The following GPC5 variants were observed in gnomAD, a reference collection of about 807,000 sequenced individuals.
GPC5 encodes the protein glypican 5, also known as glypican-5.
Under a neutral mutation model 53.9 loss-of-function variants are expected in GPC5, and 47 were observed. That is an observed-to-expected ratio of 0.87 (90% CI 0.69 to 1.11). The LOEUF (loss-of-function observed/expected upper bound fraction) is 1.11, where lower values mean the gene tolerates loss of function less well. Ranked by LOEUF, GPC5 falls within the 50% of genes most tolerant of loss-of-function variation. GPC5 has a pLI of 0.00. For missense variants in GPC5, 748 were observed against 713.1 expected (o/e 1.05, Z -0.56); for synonymous variants, 286 against 263.3 (o/e 1.09, Z -0.84).
intron 1 of GPC5, among the ~76,000 whole-genome samples, chr13:91,425,561 A>G (rs1878982016): frequency 6.6e-6 from 1 of 152,134 alleles, no homozygotes; most frequent in African/African-American, 2.4e-5. Flanking sequence ...CCACCATTCA[A>G]GATGTGCCTC....
chr13:91,971,422 T>C (rs1255426611), intron 6 of GPC5, among the ~76,000 whole-genome samples: 1 of 152,152 alleles, frequency 6.6e-6, no homozygotes, highest in African/African-American at 2.4e-5. Context: ...AACCAGCTCC[T>C]AGATTCACTA....
At chr13:92,149,573 G>A (rs555759439) in intron 7 of GPC5, among the ~76,000 whole-genome samples, 1 of 152,122 alleles carries the variant, frequency 6.6e-6, no homozygotes, top group African/African-American at 2.4e-5. Context: ...AGCGTACTAA[G>A]AATGACCTAG....
chr13:92,844,917 T>C (rs1878562391), intron 7 of GPC5, among the ~76,000 whole-genome samples: 2 of 152,158 alleles, frequency 1.3e-5, no homozygotes, highest in Admixed American at 6.5e-5. Flanking sequence ...TCCTAGAACC[T>C]TTATATTCTC....
At chr13:91,722,709 A>C (rs2036499636) in intron 3 of GPC5, among the ~76,000 whole-genome samples, 1 of 152,210 alleles carries the variant, frequency 6.6e-6, no homozygotes, top group Non-Finnish European at 1.5e-5. Flanking sequence ...CATGTGGAGA[A>C]GCAACTTGTG....
chr13:91,986,812 C>G (rs899835456), intron 6 of GPC5, among the ~76,000 whole-genome samples: 4 of 151,898 alleles, frequency 2.6e-5, no homozygotes, highest in East Asian at 1.9e-4. Flanking sequence ...ATGGACATAG[C>G]CTTCATGGTA....
intron 7 of GPC5, among the ~76,000 whole-genome samples, chr13:92,256,911 A>G (rs2042730063): frequency 6.6e-6 from 1 of 152,124 alleles, no homozygotes; most frequent in Non-Finnish European, 1.5e-5. Flanking sequence ...AATGTGCTTG[A>G]GAAAGAAAAA....
At chr13:91,603,633 T>C (rs578228381) in intron 2 of GPC5, among the ~76,000 whole-genome samples, 1 of 152,360 alleles carries the variant, frequency 6.6e-6, no homozygotes, top group Non-Finnish European at 1.5e-5. Context: ...AAACACAGGC[T>C]GATTACACAT....
intron 6 of GPC5, among the ~76,000 whole-genome samples, chr13:91,961,286 G>A (rs2040123145): frequency 6.6e-6 from 1 of 151,424 alleles, no homozygotes; most frequent in African/African-American, 2.4e-5. Flanking sequence ...CATGTACCTT[G>A]TATATATATA....
intron 5 of GPC5, among the ~76,000 whole-genome samples, chr13:91,866,286 A>T (rs576502458): frequency 6.6e-6 from 1 of 152,312 alleles, no homozygotes; most frequent in Non-Finnish European, 1.5e-5. Flanking sequence ...AGGCCAAGGG[A>T]TTGAATACAG....
chr13:91,903,673 C>T (rs2039522109), intron 5 of GPC5, among the ~76,000 whole-genome samples: 1 of 151,970 alleles, frequency 6.6e-6, no homozygotes, highest in Admixed American at 6.6e-5. Context: ...AGTATTTTTC[C>T]TTATTTATAT....
intron 6 of GPC5, among the ~76,000 whole-genome samples, chr13:92,139,176 G>A (rs370619747): frequency 2.6e-5 from 4 of 152,062 alleles, no homozygotes; most frequent in Non-Finnish European, 2.9e-5. Flanking sequence ...CCTTATTGGC[G>A]ATAAGAAAAA....
chr13:92,389,023 T>G (rs939094303), intron 7 of GPC5, among the ~76,000 whole-genome samples: 2 of 152,146 alleles, frequency 1.3e-5, no homozygotes, highest in African/African-American at 4.8e-5. Flanking sequence ...ATGTCAGTGA[T>G]GGAAAGCAGC....
At chr13:92,085,543 G>C (rs191062078) in intron 6 of GPC5, among the ~76,000 whole-genome samples, 14 of 152,256 alleles carry the variant, frequency 9.2e-5, no homozygotes, top group African/African-American at 3.4e-4. Context: ...CAGACCTGGT[G>C]GTGGTGGGGA....
intron 7 of GPC5, among the ~76,000 whole-genome samples, chr13:92,224,547 C>T (rs2042470994): frequency 6.6e-6 from 1 of 152,198 alleles, no homozygotes; most frequent in Admixed American, 6.5e-5. Flanking sequence ...CCACCATTCC[C>T]AAAGCTGATA....
At chr13:92,196,273 G>A (rs1204572587) in intron 7 of GPC5, among the ~76,000 whole-genome samples, 1 of 151,910 alleles carries the variant, frequency 6.6e-6, no homozygotes, top group African/African-American at 2.4e-5. Context: ...TATGCTGATA[G>A]CACCTGATAT....
rs149911954 is a variant in GPC5 at position 92,437,796 on chromosome 13, G to A, written c.1561+292807G>A. On this transcript the variant is annotated intron_variant, in intron 7 of 7. Coordinates refer to ENST00000377067, the MANE Select transcript of GPC5 (RefSeq NM_004466.6). ...CAACAAGCTGAACTCTGATTGGTTG[G>A]TTATGAGAAGGAATTCCAACTTCCT... 5.4e-3 allele frequency among the ~76,000 whole-genome samples: 818 copies of A among 152,146 alleles called. 8 individuals are homozygous for A. Among genetic ancestry groups the A allele is most frequent in the African/African-American group, 0.019 (786 of 41,526 alleles).
chr13:91,626,232 C>T (rs1490906467), intron 2 of GPC5, among the ~76,000 whole-genome samples: 1 of 152,118 alleles, frequency 6.6e-6, no homozygotes, highest in Non-Finnish European at 1.5e-5. Context: ...ATTTGTTACA[C>T]TGAACACAAA....
At chr13:92,031,732 C>CATATCATATATAATATATAATATATTAT (rs1266611227) in intron 6 of GPC5, among the ~76,000 whole-genome samples, 2 of 30,586 alleles carry the variant, frequency 6.5e-5, no homozygotes, top group Non-Finnish European at 1.2e-4. Flanking sequence ...TAATATATTA[C>CATATCATATATAATATATAATATATTAT]ATATTATATA....
chr13:92,104,264 C>T (rs1489768933), intron 6 of GPC5, among the ~76,000 whole-genome samples: 1 of 152,060 alleles, frequency 6.6e-6, no homozygotes, highest in Non-Finnish European at 1.5e-5. Flanking sequence ...TGAAGGCTAC[C>T]AGGGAGCAGG....
Sources: gnomAD v4.1 joint callset for allele counts (sites outside exome capture counted in the v4.1 genomes callset) on GRCh38, gnomAD v4.1.1 for gene constraint, MANE v1.5 for transcripts, NCBI Gene and HGNC (gene_info 2026-07-23, HGNC 2026-07-21) for gene names.